Variants in ATP2B2 observed in about 807,000 individuals in gnomAD.
ATP2B2 encodes ATPase plasma membrane Ca2+ transporting 2, also known as plasma membrane calcium-transporting ATPase 2.
In ATP2B2, 15 loss-of-function variants were observed where a neutral mutation model predicts 120.0. That is an observed-to-expected ratio of 0.12 (90% CI 0.08 to 0.19). The LOEUF is 0.19. Among genes scored for constraint, ATP2B2 ranks in the 10% least tolerant of loss-of-function variants. The pLI is 1.00. For missense variants in ATP2B2, 1,045 were observed against 1,719.8 expected (o/e 0.61, Z 6.94); for synonymous variants, 694 against 700.3 (o/e 0.99, Z 0.14).
intron 3 of ATP2B2, among the ~76,000 whole-genome samples, chr3:10,527,760 C>T (rs776692830): frequency 7.9e-5 from 12 of 152,338 alleles, no homozygotes; most frequent in East Asian, 3.9e-4. Flanking sequence ...CCAGAGATGG[C>T]GGTGAATCAC....
At chr3:10,376,446 G>A (rs2061383021) in intron 10 of ATP2B2, among the ~76,000 whole-genome samples, 1 of 152,140 alleles carries the variant, frequency 6.6e-6, no homozygotes. Context: ...TTTGGATGAG[G>A]AAACTGAGGC....
intron 1 of ATP2B2, among the ~76,000 whole-genome samples, chr3:10,622,029 G>A (rs1328525977): frequency 6.6e-6 from 1 of 152,288 alleles, no homozygotes; most frequent in African/African-American, 2.4e-5. Flanking sequence ...CCCTCTGTGG[G>A]CCTCTTCCTG....
intron 8 of ATP2B2, among the ~76,000 whole-genome samples, chr3:10,384,162 G>A (rs1320542843): frequency 6.6e-6 from 1 of 152,250 alleles, no homozygotes; most frequent in Non-Finnish European, 1.5e-5. Flanking sequence ...CCATCTTTGG[G>A]CACTTTGAAT....
At chr3:10,345,270 G>A (rs999659735) in intron 18 of ATP2B2, 114 bp downstream of exon 18, 6 of 1,223,452 alleles carry the variant, frequency 4.9e-6, no homozygotes, top group South Asian at 2.7e-5. Flanking sequence ...ATCGATGGGT[G>A]CCTCATCCCC....
rs547394099 is a variant in ATP2B2, at chr3:10,555,531, T to C, written c.-414-21398A>G. Among the ~76,000 whole-genome samples the C allele has an allele frequency of 3.7e-4, 56 of 152,362 alleles. No homozygotes were observed. The South Asian group carries it at 0.012, about 32-fold the overall frequency. On this transcript the variant is annotated intron_variant, in intron 2 of 21. Transcript: ENST00000646379. ...GGCTTCTGGCTTCCTTGTGGCACCT[T>C]GATGTTGGTGCTAAGGGCTCCAGCC...
At position 10,361,907 on chromosome 3, in the gene ATP2B2, G is replaced by A. The variant is rs575247277; in HGVS notation, c.1660-1784C>T. Among the ~76,000 whole-genome samples, 7 of 152,272 alleles carry A rather than the reference G, an allele frequency of 4.6e-5. No individual in the cohort carries two copies. In the South Asian group the frequency reaches 1.5e-3, roughly 32 times the overall value. ...GCAGACCAGAGTGGTGGGGGAGACTGGTTAATGGTAAGGACGAGATGCCTC... is the reference window on the plus strand; with the variant it reads ...GCAGACCAGAGTGGTGGGGGAGACTAGTTAATGGTAAGGACGAGATGCCTC... On this transcript the variant is annotated intron_variant, in intron 12 of 22. Transcript: ENST00000360273.
intron 1 of ATP2B2, among the ~76,000 whole-genome samples, chr3:10,500,697 A>G (rs908990624): frequency 6.6e-6 from 1 of 152,186 alleles, no homozygotes; most frequent in African/African-American, 2.4e-5. Flanking sequence ...CTCCAGGAAA[A>G]GCCAACCCTG....
chr3:10,582,011 T>C (rs2068402101), intron 2 of ATP2B2, among the ~76,000 whole-genome samples: 2 of 152,236 alleles, frequency 1.3e-5, no homozygotes, highest in Non-Finnish European at 2.9e-5. Flanking sequence ...GGGCGCACAA[T>C]GTGGTTAATT....
Position 10,338,326 on chromosome 3 carries a change from C to G in ATP2B2, c.3270G>C (p.Lys1090Asn). The G allele has an allele frequency of 6.2e-7, 1 of 1,614,178 alleles. No homozygotes were observed. The highest frequency in any genetic ancestry group is 8.5e-7 in the Non-Finnish European group (1 of 1,180,040). Reference protein sequence around the residue: ...VIATIPTSRLKFLKEAGRLTQ... With the variant: ...VIATIPTSRLNFLKEAGRLTQ... ...TGAGCCTGCCTGCCTCCTTGAGGAA[C>G]TTGAGTCTGCTGGTCGGGATGGTGG... is the stretch of plus-strand genomic sequence containing the variant. The change falls in exon 22 of 23, where the codon AAG becomes AAC. Residue 1090 changes from lysine to asparagine, a missense_variant. Transcript: ENST00000360273.
chr3:10,415,737 C>T (rs1319311723), intron 2 of ATP2B2, among the ~76,000 whole-genome samples: 1 of 152,220 alleles, frequency 6.6e-6, no homozygotes, highest in Non-Finnish European at 1.5e-5. Flanking sequence ...TAGAGAGCAT[C>T]TCACCATTTC....
intron 1 of ATP2B2, among the ~76,000 whole-genome samples, chr3:10,640,062 A>C (rs141694839): frequency 2.9e-4 from 44 of 152,314 alleles, no homozygotes; most frequent in African/African-American, 1.1e-3. Flanking sequence ...CAGGCAAATT[A>C]GGATGGTTGG....
intron 3 of ATP2B2, among the ~76,000 whole-genome samples, chr3:10,515,547 C>A (rs895737406): frequency 1.3e-5 from 2 of 152,148 alleles, no homozygotes; most frequent in Non-Finnish European, 2.9e-5. Context: ...CAGCTGCCAG[C>A]CCTGCAGAGG....
At chr3:10,358,594 A>T (rs2060806334) in intron 14 of ATP2B2, 97 bp downstream of exon 14, 1 of 1,159,598 alleles carries the variant, frequency 8.6e-7, no homozygotes, top group Non-Finnish European at 1.3e-6. Flanking sequence ...GTGGAAACTG[A>T]GACTCAAAGA....
chr3:10,564,836 G>A (rs997567372), intron 2 of ATP2B2, among the ~76,000 whole-genome samples: 1 of 152,194 alleles, frequency 6.6e-6, no homozygotes, highest in Non-Finnish European at 1.5e-5. Flanking sequence ...AGATAGGACA[G>A]ATTTCCTATT....
intron 1 of ATP2B2, among the ~76,000 whole-genome samples, chr3:10,698,218 GA>G (rs2071767980): frequency 6.6e-6 from 1 of 152,340 alleles, no homozygotes; most frequent in Middle Eastern, 3.4e-3. Flanking sequence ...GGGATGTCTG[GA>G]AAAGAATTCC....
intron 1 of ATP2B2, among the ~76,000 whole-genome samples, chr3:10,684,853 G>A (rs772979510): frequency 2.3e-4 from 35 of 152,168 alleles, no homozygotes; most frequent in Non-Finnish European, 3.7e-4. Flanking sequence ...TATTTTACTC[G>A]AGACAATGAT....
intron 1 of ATP2B2, among the ~76,000 whole-genome samples, chr3:10,475,669 C>T (rs1244718618): frequency 2.0e-5 from 3 of 152,188 alleles, no homozygotes. Flanking sequence ...AGGAGTTCTG[C>T]AGTTCCCATT....
chr3:10,647,986 T>C (rs17033281), intron 1 of ATP2B2, among the ~76,000 whole-genome samples: 33,312 of 152,130 alleles, frequency 0.22, 6,142 homozygotes, highest in African/African-American at 0.5. Context: ...GTAATGCACC[T>C]GAAAAGATGT....
At chr3:10,338,721 C>T in intron 21 of ATP2B2, 5 of 329,428 alleles carry the variant, frequency 1.5e-5, no homozygotes, top group South Asian at 1.3e-4. Flanking sequence ...GTCATTTAAC[C>T]TCACCGAGCT....
Sources: gnomAD v4.1 joint callset for allele counts (sites outside exome capture counted in the v4.1 genomes callset) on GRCh38, gnomAD v4.1.1 for gene constraint, MANE v1.5 for transcripts, NCBI Gene and HGNC (gene_info 2026-07-23, HGNC 2026-07-21) for gene names.